KCNK9: variants seen among roughly 807,000 people sequenced by gnomAD.
The protein encoded by KCNK9 is potassium two pore domain channel subfamily K member 9.
KCNK9 carries 1 observed loss-of-function variant against 10.8 expected under a neutral mutation model. The observed-to-expected ratio is 0.09, with a 90% CI of 0.03 to 0.44. The LOEUF (loss-of-function observed/expected upper bound fraction) is 0.44, where lower values mean the gene tolerates loss of function less well. Ranked by LOEUF, KCNK9 falls within the 20% of genes least tolerant of loss-of-function variation. KCNK9 has a pLI of 0.97. For missense variants in KCNK9, 303 were observed against 515.0 expected (o/e 0.59, Z 3.98); for synonymous variants, 231 against 222.7 (o/e 1.04, Z -0.33).
chr8:139,604,393 T>G (rs1392202972), intron 2 of KCNK9, among the ~76,000 whole-genome samples: 3 of 151,996 alleles, frequency 2.0e-5, no homozygotes, highest in African/African-American at 7.2e-5. Context: ...GAAGGTCACA[T>G]CTGAGCAGAG....
chr8:139,637,320 AACT>A (rs1815367365), intron 1 of KCNK9, among the ~76,000 whole-genome samples: 1 of 152,234 alleles, frequency 6.6e-6, no homozygotes, highest in Non-Finnish European at 1.5e-5. Flanking sequence ...GTCATCAGCC[AACT>A]ACTAAGGTGA....
downstream of KCNK9, among the ~76,000 whole-genome samples, chr8:139,607,747 CAGCCCACTGCTGGAAAG>C (rs960451020): frequency 2.1e-4 from 32 of 152,192 alleles, no homozygotes; most frequent in South Asian, 1.2e-3. Context: ...TGTAGGAACC[CAGCCCACTGCTGGAAAG>C]ACTGGGCCCT....
chr8:139,655,520 C>G (rs910863506), intron 1 of KCNK9, among the ~76,000 whole-genome samples: 1 of 152,154 alleles, frequency 6.6e-6, no homozygotes, highest in African/African-American at 2.4e-5. Flanking sequence ...GAAAGAACAC[C>G]AAGGGCAGCA....
intron 1 of KCNK9, among the ~76,000 whole-genome samples, chr8:139,669,306 T>A (rs76864275): frequency 0.027 from 4,078 of 152,308 alleles, 160 homozygotes; most frequent in East Asian, 0.14. Flanking sequence ...ACTCTTCCTT[T>A]CACCAAAGAT....
At chr8:139,605,756 G>T (rs968071940) in intron 2 of KCNK9, among the ~76,000 whole-genome samples, 41 of 152,160 alleles carry the variant, frequency 2.7e-4, no homozygotes, top group African/African-American at 9.2e-4. Context: ...TACCGCACTC[G>T]TTACAAAAGA....
chr8:139,701,132 TGCCACTGCCACAGTTTAAAGCCAGA>T (rs1817209612), intron 1 of KCNK9, among the ~76,000 whole-genome samples: 1 of 152,180 alleles, frequency 6.6e-6, no homozygotes, highest in Non-Finnish European at 1.5e-5. Flanking sequence ...TGCATCTGCG[TGCCACTGCCACAGTTTAAAGCCAGA>T]GAAAATGGCA....
intron 2 of KCNK9, among the ~76,000 whole-genome samples, chr8:139,603,375 C>A (rs1055331178): frequency 6.6e-6 from 1 of 152,174 alleles, no homozygotes; most frequent in African/African-American, 2.4e-5. Flanking sequence ...ACACAGAGTT[C>A]TCATTAGGGA....
intron 1 of KCNK9, among the ~76,000 whole-genome samples, chr8:139,656,477 C>T (rs1048431808): frequency 1.3e-5 from 2 of 152,162 alleles, no homozygotes; most frequent in African/African-American, 4.8e-5. Context: ...GCGCTTGCCT[C>T]TCCCTCACAA....
chr8:139,668,669 A>T (rs1231874917), intron 1 of KCNK9, among the ~76,000 whole-genome samples: 1 of 152,190 alleles, frequency 6.6e-6, no homozygotes, highest in East Asian at 1.9e-4. Context: ...TGATCTGCCC[A>T]TCTTGGCCTC....
intron 1 of KCNK9, among the ~76,000 whole-genome samples, chr8:139,652,162 C>A (rs572808200): frequency 6.6e-6 from 1 of 152,274 alleles, no homozygotes; most frequent in East Asian, 1.9e-4. Flanking sequence ...TGATCCCCAG[C>A]TTGCAGAGAT....
At chr8:139,616,204 T>C (rs1268860490), downstream of KCNK9, among the ~76,000 whole-genome samples, 1 of 152,174 alleles carries the variant, frequency 6.6e-6, no homozygotes, top group African/African-American at 2.4e-5. Context: ...GGCACACTCT[T>C]CTGAAGCATA....
chr8:139,630,844 A>G (rs1481168392), intron 1 of KCNK9, among the ~76,000 whole-genome samples: 1 of 152,260 alleles, frequency 6.6e-6, no homozygotes, highest in Non-Finnish European at 1.5e-5. Context: ...AGGCTGGGAA[A>G]CACAGAAGCC....
intron 1 of KCNK9, among the ~76,000 whole-genome samples, chr8:139,681,934 G>A (rs1302765407): frequency 6.6e-6 from 1 of 152,232 alleles, no homozygotes; most frequent in African/African-American, 2.4e-5. Context: ...GGCACAAAGG[G>A]TTACCTTCCT....
chr8:139,612,435 G>T (rs567669237), downstream of KCNK9: 4 of 152,282 alleles, frequency 2.6e-5, no homozygotes, highest in South Asian at 6.2e-4. Context: ...GGAGCTTTGG[G>T]GGGGCCAGGT....
chr8:139,638,808 C>T (rs1462542082), intron 1 of KCNK9, among the ~76,000 whole-genome samples: 5 of 152,292 alleles, frequency 3.3e-5, no homozygotes, highest in East Asian at 1.9e-4. Context: ...CCAGGTTCCC[C>T]GGCCCAAACA....
chr8:139,636,009 T>C (rs903528208), intron 1 of KCNK9, among the ~76,000 whole-genome samples: 4 of 152,248 alleles, frequency 2.6e-5, no homozygotes, highest in African/African-American at 9.6e-5. Context: ...GGGAATCCGT[T>C]AGACCCCCGT....
chr8:139,618,922 A>G lies in KCNK9; in HGVS notation c.461T>C (p.Val154Ala). 6.2e-7 allele frequency: 1 copy of G among 1,614,236 alleles called. No homozygotes were observed. Among genetic ancestry groups the G allele is most frequent in the Non-Finnish European group, 8.5e-7 (1 of 1,180,044 alleles). Residue 154 changes from valine to alanine, a missense_variant, in exon 2 of 2, where the codon GTG becomes GCG. Val to Ala is a moderately conservative substitution (Grantham distance 64). Transcript: ENST00000520439. The surrounding 1 kb of genome is among the most constrained non-coding windows in gnomAD (Gnocchi z 7.9). Reference sequence around the variant, plus strand: ...CACAGTCACCATGTTCTCCATAGACACGTCAGTGTTGCGCATGCCACAGCA... The same window carrying G: ...CACAGTCACCATGTTCTCCATAGACGCGTCAGTGTTGCGCATGCCACAGCA... ...KKCCGMRNTD[V>A]SMENMVTVGF...
At chr8:139,691,150 G>A (rs1026861448) in intron 1 of KCNK9, among the ~76,000 whole-genome samples, 2 of 152,138 alleles carry the variant, frequency 1.3e-5, no homozygotes, top group Admixed American at 1.3e-4. Flanking sequence ...AGACTGACAA[G>A]GCAAACTGTC....
downstream of KCNK9, among the ~76,000 whole-genome samples, chr8:139,608,551 A>G (rs1397531770): frequency 7.3e-6 from 1 of 136,446 alleles, no homozygotes; most frequent in Non-Finnish European, 1.6e-5. Flanking sequence ...ACAGTGTGGG[A>G]GGGTTCAGCA....
Sources: allele counts gnomAD v4.1 joint callset (sites outside exome capture counted in the v4.1 genomes callset), GRCh38; gene constraint gnomAD v4.1.1; non-coding constraint Gnocchi (gnomAD v3.1); transcripts MANE v1.5; gene names NCBI Gene and HGNC (gene_info 2026-07-23, HGNC 2026-07-21).